ANO10: variants seen among roughly 807,000 people sequenced by gnomAD.
ANO10 encodes the protein anoctamin-10.
ANO10 carries 77 observed loss-of-function variants against 74.7 expected under a neutral mutation model. That is an observed-to-expected ratio of 1.03 (90% CI 0.86 to 1.25). The LOEUF (loss-of-function observed/expected upper bound fraction) is 1.25, where lower values mean the gene tolerates loss of function less well. ANO10 is among the 50% of genes most tolerant of loss of function. ANO10 has a pLI of 0.00. For synonymous variants in ANO10, 279 were observed against 284.9 expected, an observed-to-expected ratio of 0.98 and a Z score of 0.21; for missense variants, 721 against 778.1, an observed-to-expected ratio of 0.93 and a Z score of 0.87.
At chr3:43,558,646 A>C (rs2079877966) in intron 9 of ANO10, among the ~76,000 whole-genome samples, 1 of 152,232 alleles carries the variant, frequency 6.6e-6, no homozygotes, top group Non-Finnish European at 1.5e-5. Context: ...TTAGACTCAC[A>C]TATAACAGTC....
chr3:43,628,579 G>A (rs1358831724), intron 1 of ANO10, among the ~76,000 whole-genome samples: 1 of 152,202 alleles, frequency 6.6e-6, no homozygotes, highest in Non-Finnish European at 1.5e-5. Flanking sequence ...TCTGACTGCT[G>A]GTGAGCCGGG....
In ANO10 at chr3:43,591,383, G is replaced by A. The variant is rs376289181; in HGVS notation, c.472+7149C>T. Among the ~76,000 whole-genome samples the A allele has an allele frequency of 5.9e-5, 9 of 152,260 alleles. No individual in the cohort carries two copies. The East Asian group carries it at 1.2e-3, about 20-fold the overall frequency. ...AATGGAGCTGAACACTAGTTGCTGG[G>A]TTCCACGGTTCTCTTCCATGACTCA... is the stretch of plus-strand genomic sequence containing the variant. On this transcript the variant is annotated intron_variant, in intron 4 of 12. Transcript: ENST00000292246.
intron 1 of ANO10, among the ~76,000 whole-genome samples, chr3:43,616,123 T>A (rs2083091233): frequency 6.6e-6 from 1 of 152,152 alleles, no homozygotes; most frequent in African/African-American, 2.4e-5. Flanking sequence ...CATAAGCATA[T>A]CATCTTCCAT....
chr3:43,592,694 C>T (rs143615583), intron 4 of ANO10, among the ~76,000 whole-genome samples: 1 of 152,336 alleles, frequency 6.6e-6, no homozygotes, highest in East Asian at 1.9e-4. Flanking sequence ...AGCACCTCTT[C>T]TCCTCCAAAG....
chr3:43,542,450 G>C (rs752189897), intron 11 of ANO10, among the ~76,000 whole-genome samples: 1 of 152,170 alleles, frequency 6.6e-6, no homozygotes, highest in Non-Finnish European at 1.5e-5. Context: ...CTATGATGGA[G>C]AGCCTGGCCC....
chr3:43,628,729 C>T (rs933287993), intron 1 of ANO10, among the ~76,000 whole-genome samples: 3 of 152,072 alleles, frequency 2.0e-5, no homozygotes, highest in South Asian at 2.1e-4. Flanking sequence ...CGGGTGTGGC[C>T]GTCTTCTATG....
chr3:43,624,302 G>T (rs1263918043), upstream of ANO10, among the ~76,000 whole-genome samples: 1 of 152,188 alleles, frequency 6.6e-6, no homozygotes, highest in Non-Finnish European at 1.5e-5. Context: ...CAAAAGGTAT[G>T]TAGCATTGAT....
chr3:43,421,608 T>C (rs892327789), intron 12 of ANO10, among the ~76,000 whole-genome samples: 2 of 152,114 alleles, frequency 1.3e-5, no homozygotes, highest in Non-Finnish European at 2.9e-5. Context: ...GCAGATCACT[T>C]GAGCCCAGGA....
At chr3:43,601,719 G>A (rs985707109) in intron 2 of ANO10, among the ~76,000 whole-genome samples, 5 of 152,002 alleles carry the variant, frequency 3.3e-5, no homozygotes, top group African/African-American at 1.2e-4. Flanking sequence ...AATACCAATG[G>A]CTCTTAAATA....
At chr3:43,652,889 G>A (rs970657700) in intron 1 of ANO10, 2 of 151,780 alleles carry the variant, frequency 1.3e-5, no homozygotes, top group African/African-American at 4.8e-5. Flanking sequence ...AATATAGAGA[G>A]AGTATTTAAA....
chr3:43,531,423 A>G (rs2078460812), intron 11 of ANO10, among the ~76,000 whole-genome samples: 1 of 152,216 alleles, frequency 6.6e-6, no homozygotes, highest in Admixed American at 6.5e-5. Context: ...ACTCAGATAA[A>G]GTTCTCTATC....
intron 9 of ANO10, among the ~76,000 whole-genome samples, chr3:43,558,873 A>G (rs2079889132): frequency 6.6e-6 from 1 of 152,222 alleles, no homozygotes; most frequent in South Asian, 2.1e-4. Context: ...AGAGATCAGG[A>G]GTGGGAAATG....
At chr3:43,379,443 G>A (rs941338145) in intron 12 of ANO10, among the ~76,000 whole-genome samples, 2 of 150,712 alleles carry the variant, frequency 1.3e-5, no homozygotes, top group Admixed American at 1.3e-4. Flanking sequence ...AGAGCAGTGT[G>A]TGGAGGCCCA....
intron 1 of ANO10, among the ~76,000 whole-genome samples, chr3:43,654,493 C>T (rs967934218): frequency 1.3e-5 from 2 of 152,082 alleles, no homozygotes; most frequent in African/African-American, 2.4e-5. Context: ...CAGTGGAGGT[C>T]CCCTGGATTA....
chr3:43,657,807 C>G (rs2083874674), intron 1 of ANO10, among the ~76,000 whole-genome samples: 1 of 152,064 alleles, frequency 6.6e-6, no homozygotes, highest in Non-Finnish European at 1.5e-5. Context: ...ACAGATTATG[C>G]CAAAGAACCA....
chr3:43,591,048 C>G (rs781066022), intron 4 of ANO10, among the ~76,000 whole-genome samples: 3 of 152,176 alleles, frequency 2.0e-5, no homozygotes, highest in Non-Finnish European at 2.9e-5. Context: ...GATATAAACC[C>G]AGGCATTTGA....
intron 10 of ANO10, among the ~76,000 whole-genome samples, chr3:43,552,726 A>ATATATATGTATG (rs1553710721): frequency 5.2e-5 from 5 of 95,574 alleles, no homozygotes; most frequent in Admixed American, 1.2e-4. Flanking sequence ...ATATATATAT[A>ATATATATGTATG]TATGTATGTA....
intron 8 of ANO10, among the ~76,000 whole-genome samples, chr3:43,562,157 G>C (rs1244446575): frequency 6.6e-6 from 1 of 151,856 alleles, no homozygotes; most frequent in Non-Finnish European, 1.5e-5. Context: ...GATCACCTGA[G>C]ATGGAAAGTT....
At chr3:43,473,690 C>G (rs1456241889) in intron 11 of ANO10, among the ~76,000 whole-genome samples, 1 of 152,232 alleles carries the variant, frequency 6.6e-6, no homozygotes, top group African/African-American at 2.4e-5. Flanking sequence ...AACCTCAGCA[C>G]TGCTGACATT....
Sources: allele counts gnomAD v4.1 joint callset (sites outside exome capture counted in the v4.1 genomes callset), GRCh38; gene constraint gnomAD v4.1.1; transcripts MANE v1.5; gene names NCBI Gene and HGNC (gene_info 2026-07-23, HGNC 2026-07-21).